The following SLCO1B3 variants were observed in gnomAD, a reference collection of about 807,000 sequenced individuals.
SLCO1B3 encodes the protein liver-specific organic anion transporter 2.
Under a neutral mutation model 71.8 loss-of-function variants are expected in SLCO1B3, and 72 were observed. That is an observed-to-expected ratio of 1.00 (90% CI 0.83 to 1.22). The LOEUF is 1.22. Ranked by LOEUF, SLCO1B3 falls within the 50% of genes most tolerant of loss-of-function variation. The pLI is 0.00. For missense variants in SLCO1B3, 911 were observed against 819.7 expected (o/e 1.11, Z -1.36); for synonymous variants, 298 against 278.4 (o/e 1.07, Z -0.70).
intron 15 of SLCO1B3, among the ~76,000 whole-genome samples, chr12:20,906,404 A>G (rs1866246908): frequency 6.6e-6 from 1 of 152,214 alleles, no homozygotes; most frequent in South Asian, 2.1e-4. Flanking sequence ...ACTATTCTAT[A>G]TGATATTGTA....
chr12:20,878,040 T>G (rs1865617854), intron 10 of SLCO1B3, 104 bp downstream of exon 10: 5 of 757,786 alleles, frequency 6.6e-6, no homozygotes, highest in South Asian at 5.8e-5. Flanking sequence ...TTTTACTAAA[T>G]GTAATCTTAT....
intron 8 of SLCO1B3, among the ~76,000 whole-genome samples, chr12:20,863,379 G>A (rs1021931266): frequency 2.6e-5 from 4 of 152,128 alleles, no homozygotes; most frequent in Non-Finnish European, 5.9e-5. Context: ...TGAAGGAGAG[G>A]ATGCATAAAT....
intron 5 of SLCO1B3, among the ~76,000 whole-genome samples, chr12:20,859,157 T>C (rs1290372260): frequency 1.3e-5 from 2 of 152,226 alleles, no homozygotes; most frequent in African/African-American, 4.8e-5. Flanking sequence ...ATTGTGGCAA[T>C]GTATTTCCAG....
At chr12:20,822,524 C>T (rs1225936388) in intron 3 of SLCO1B3, among the ~76,000 whole-genome samples, 2 of 152,130 alleles carry the variant, frequency 1.3e-5, no homozygotes, top group African/African-American at 2.4e-5. Flanking sequence ...CCTTTCACTT[C>T]TTTTGTGATT....
At chr12:20,829,707 T>A (rs139338717) in intron 3 of SLCO1B3, among the ~76,000 whole-genome samples, 1 of 152,220 alleles carries the variant, frequency 6.6e-6, no homozygotes, top group East Asian at 1.9e-4. Context: ...AGTAAAGGAA[T>A]AAAAGAATAG....
chr12:20,838,310 CTCCA>C (rs1169791005), intron 3 of SLCO1B3, among the ~76,000 whole-genome samples: 1 of 151,766 alleles, frequency 6.6e-6, no homozygotes, highest in Non-Finnish European at 1.5e-5. Context: ...GAATATTTTT[CTCCA>C]TCCATTTACT....
At chr12:20,833,895 ATATT>A (rs1294064047) in intron 3 of SLCO1B3, among the ~76,000 whole-genome samples, 3 of 128,770 alleles carry the variant, frequency 2.3e-5, no homozygotes, top group Non-Finnish European at 5.2e-5. Context: ...TACAATATAT[ATATT>A]CATGTATATA....
chr12:20,913,491 C>G (rs1866427895), intron 15 of SLCO1B3, among the ~76,000 whole-genome samples: 1 of 152,044 alleles, frequency 6.6e-6, no homozygotes, highest in African/African-American at 2.4e-5. Flanking sequence ...AAGTATTGTT[C>G]TGTTTTGTAA....
intron 15 of SLCO1B3, among the ~76,000 whole-genome samples, chr12:20,911,702 G>A (rs972919625): frequency 1.3e-5 from 2 of 152,086 alleles, no homozygotes; most frequent in African/African-American, 4.8e-5. Context: ...TTTCTTTCAG[G>A]TTATTAAAAT....
At chr12:20,830,269 G>T (rs1864511811) in intron 3 of SLCO1B3, among the ~76,000 whole-genome samples, 2 of 152,190 alleles carry the variant, frequency 1.3e-5, no homozygotes, top group Non-Finnish European at 2.9e-5. Context: ...AGGTATGAGA[G>T]ATAGGTCTTA....
intron 3 of SLCO1B3, among the ~76,000 whole-genome samples, chr12:20,821,158 G>A (rs1864296231): frequency 6.6e-6 from 1 of 152,000 alleles, no homozygotes; most frequent in African/African-American, 2.4e-5. Flanking sequence ...GGAAGATTTG[G>A]GATGAATTGC....
At chr12:20,858,356 A>T in intron 4 of SLCO1B3, 83 bp from the exon 5 acceptor site, 1 of 933,730 alleles carries the variant, frequency 1.1e-6, no homozygotes. Flanking sequence ...TCTTGGGCAT[A>T]TTTGCATTCA....
rs1866500515 is a variant in SLCO1B3 at position 20,916,395 on chromosome 12, A to G, written c.*148A>G. On this transcript the variant is annotated 3_prime_UTR_variant, in exon 16 of 16. Coordinates refer to ENST00000381545, the MANE Select transcript of SLCO1B3 (RefSeq NM_019844.4). ...AAATGGGAGTACCCATGGTTAGGAT[A>G]TAGCTATGCCTTTATGGTTAAGATT... The G allele has an allele frequency of 1.5e-6, 1 of 677,606 alleles. No individual in the cohort carries two copies. Among genetic ancestry groups the G allele is most frequent in the African/African-American group, 1.8e-5 (1 of 55,198 alleles). The allele number at this position is 677,606 out of a possible 1,614,324, so 42.0% of individuals were successfully genotyped here. A position where few individuals can be genotyped will look rare whatever the true frequency, so the allele number is the denominator to read the frequency against.
At chr12:20,897,473 A>T (rs1866035503) in intron 13 of SLCO1B3, among the ~76,000 whole-genome samples, 1 of 152,170 alleles carries the variant, frequency 6.6e-6, no homozygotes, top group Non-Finnish European at 1.5e-5. Context: ...CAAACAAGGA[A>T]ACTGAGGCTA....
At chr12:20,883,224 T>G (rs1364706972) in intron 12 of SLCO1B3, among the ~76,000 whole-genome samples, 194 bp from the exon 13 acceptor site, 1 of 152,170 alleles carries the variant, frequency 6.6e-6, no homozygotes, top group Non-Finnish European at 1.5e-5. Flanking sequence ...ATATACAGAA[T>G]TTCATACACT....
chr12:20,881,263 T>C (rs1162294485), intron 12 of SLCO1B3, among the ~76,000 whole-genome samples: 1 of 152,152 alleles, frequency 6.6e-6, no homozygotes, highest in Non-Finnish European at 1.5e-5. Flanking sequence ...CCCACTTTTT[T>C]TCTTGAGATT....
chr12:20,876,567 T>C lies in SLCO1B3; in HGVS notation c.970+1090T>C, dbSNP rs188214537. Among the ~76,000 whole-genome samples, 111 of 152,260 alleles carry C rather than the reference T, an allele frequency of 7.3e-4. 1 individual carries two copies. Among genetic ancestry groups the C allele is most frequent in the African/African-American group, 2.5e-3 (104 of 41,554 alleles). On this transcript the variant is annotated intron_variant, in intron 9 of 15. Transcript: ENST00000381545. Reference sequence around the variant, plus strand: ...GGGATGGATGCTGGAGCCTTGTGTATTCACTCATGAGAGTGGATTGCTCAA... The same window carrying C: ...GGGATGGATGCTGGAGCCTTGTGTACTCACTCATGAGAGTGGATTGCTCAA...
At chr12:20,913,138 T>C (rs948407987) in intron 15 of SLCO1B3, among the ~76,000 whole-genome samples, 4 of 152,178 alleles carry the variant, frequency 2.6e-5, no homozygotes, top group African/African-American at 9.7e-5. Flanking sequence ...CTATGTCTGA[T>C]TGAATTTTGC....
intron 15 of SLCO1B3, 68 bp from the exon 16 acceptor site, chr12:20,915,936 G>T: frequency 8.0e-7 from 1 of 1,253,996 alleles, no homozygotes. Context: ...GCATACTGGG[G>T]AGAAAAAAAT....
Sources: allele counts gnomAD v4.1 joint callset (sites outside exome capture counted in the v4.1 genomes callset), GRCh38; gene constraint gnomAD v4.1.1; transcripts MANE v1.5; gene names NCBI Gene and HGNC (gene_info 2026-07-23, HGNC 2026-07-21).